The following TRAM1 variants were observed in gnomAD, a reference collection of about 807,000 sequenced individuals.
TRAM1 encodes the protein translocating chain-associated membrane protein 1.
Under a neutral mutation model 48.7 loss-of-function variants are expected in TRAM1, and 17 were observed. The observed-to-expected ratio is 0.35, with a 90% CI of 0.24 to 0.52. The LOEUF is 0.52. Among genes scored for constraint, TRAM1 ranks in the 20% least tolerant of loss-of-function variants. The pLI, the probability that TRAM1 is intolerant of heterozygous loss-of-function variation, is 0.94. For missense variants in TRAM1, 351 were observed against 441.5 expected, an observed-to-expected ratio of 0.79 and a Z score of 1.84; for synonymous variants, 182 against 154.0, an observed-to-expected ratio of 1.18 and a Z score of -1.34.
At chr8:70,598,073 C>T in intron 3 of TRAM1, 61 bp downstream of exon 3, 1 of 1,554,776 alleles carries the variant, frequency 6.4e-7, no homozygotes, top group Non-Finnish European at 8.7e-7. Context: ...TAATATATGA[C>T]TAGCAGATTA....
At chr8:70,581,121 C>T (rs2132025756) in intron 10 of TRAM1, among the ~76,000 whole-genome samples, 1 of 152,320 alleles carries the variant, frequency 6.6e-6, no homozygotes. Context: ...GGCAAGGCAG[C>T]ATATGCCTGT....
chr8:70,598,152 A>T lies in TRAM1; in HGVS notation c.291T>A (p.Ile97=). The T allele has an allele frequency of 6.2e-7, 1 of 1,613,048 alleles. No homozygotes were observed. Among genetic ancestry groups the T allele is most frequent in the East Asian group, 2.2e-5 (1 of 44,752 alleles). ...TACTTACATCCAACATATACTCTTG[A>T]ATTACGGCATGAATAATTATCGCCA... ...MLVAIIIHAV[I]QEYMLDKINR... is the part of the protein sequence containing the mutation. The change falls in exon 3 of 11, where the codon ATT becomes ATA. Residue 97 remains isoleucine (I), a synonymous_variant. Transcript: ENST00000262213.
intron 6 of TRAM1, 92 bp from the exon 7 acceptor site, chr8:70,587,268 G>A: frequency 1.5e-6 from 2 of 1,316,030 alleles, no homozygotes; most frequent in Non-Finnish European, 2.1e-6. Context: ...GCCCAGGTTG[G>A]TCTCAAAACC....
chr8:70,596,847 TA>T (rs1817497992), intron 4 of TRAM1, among the ~76,000 whole-genome samples: 1 of 147,218 alleles, frequency 6.8e-6, no homozygotes, highest in Non-Finnish European at 1.5e-5. Context: ...GATTAAAAAA[TA>T]AATAAAATCT....
chr8:70,574,411 C>T lies in TRAM1; in HGVS notation c.*521G>A, dbSNP rs115513409. 3.9e-4 allele frequency: 80 copies of T among 205,080 alleles called. No homozygotes were observed. The highest frequency in any genetic ancestry group is 1.6e-3 in the African/African-American group (66 of 41,908). 12.7% of individuals were successfully genotyped at this position (205,080 alleles called of 1,614,324 possible). A position where few individuals can be genotyped will look rare whatever the true frequency, so the allele number is the denominator to read the frequency against. Reference sequence around the variant, plus strand: ...TATAAAATAAAGCACACAATTGTTCCGGTGATTTTACAAATCTTTTTTTCC... The same window carrying T: ...TATAAAATAAAGCACACAATTGTTCTGGTGATTTTACAAATCTTTTTTTCC... On this transcript the variant is annotated 3_prime_UTR_variant, in exon 11 of 11. Transcript: ENST00000262213.
chr8:70,606,095 G>C (rs1240290281), intron 1 of TRAM1, among the ~76,000 whole-genome samples: 1 of 152,198 alleles, frequency 6.6e-6, no homozygotes, highest in African/African-American at 2.4e-5. Context: ...ACAAGTTACA[G>C]AAAATTGAAT....
Position 70,588,439 on chromosome 8 carries a change from A to C in TRAM1, c.571-1263T>G, listed in dbSNP as rs187108398. Among the ~76,000 whole-genome samples, 13 of 152,222 alleles carry C rather than the reference A, an allele frequency of 8.5e-5. No homozygotes were observed. The East Asian group carries it at 1.7e-3, about 20-fold the overall frequency. ...CATCTCTACAAAAAAATGTTTTAAAAATTAGCCAGGCATGGTGGCATGTGC... is the reference window on the plus strand; with the variant it reads ...CATCTCTACAAAAAAATGTTTTAAACATTAGCCAGGCATGGTGGCATGTGC... On this transcript the variant is annotated intron_variant, in intron 6 of 10. Coordinates refer to ENST00000262213, the MANE Select transcript of TRAM1 (RefSeq NM_014294.6).
intron 10 of TRAM1, among the ~76,000 whole-genome samples, chr8:70,579,759 C>T (rs947957714): frequency 2.0e-5 from 3 of 152,078 alleles, no homozygotes; most frequent in African/African-American, 7.2e-5. Flanking sequence ...TAATGAAATA[C>T]CGAAAGGTCT....
intron 10 of TRAM1, among the ~76,000 whole-genome samples, chr8:70,578,975 T>A (rs528181274): frequency 6.6e-6 from 1 of 152,316 alleles, no homozygotes; most frequent in African/African-American, 2.4e-5. Flanking sequence ...CTGTATAATA[T>A]TTTGAGAGAG....
rs201683956 is a variant in TRAM1 at position 70,587,172 on chromosome 8, T to C, written c.575A>G (p.Asp192Gly). 2.8e-5 allele frequency: 45 copies of C among 1,613,302 alleles called. No individual in the cohort carries two copies. The highest frequency in any genetic ancestry group is 3.2e-5 in the Non-Finnish European group (38 of 1,179,500). ...AATGTAGACAAGCTGACGAGGAATA[T>C]CTTCCTGTAAAAAAATACATTATAG... ...ELYFQKTKKEDIPRQLVYIGL... is the reference protein window; with the variant it reads ...ELYFQKTKKEGIPRQLVYIGL... The change falls in exon 7 of 11, where the codon GAT (aspartate) becomes GGT (glycine). Residue 192 changes from aspartate to glycine, a missense_variant. Asp to Gly is a moderately conservative substitution (Grantham distance 94, BLOSUM62 -1). Transcript: ENST00000262213.
chr8:70,578,587 C>T (rs187936656), intron 10 of TRAM1, among the ~76,000 whole-genome samples: 12 of 152,298 alleles, frequency 7.9e-5, no homozygotes, highest in East Asian at 1.9e-4. Context: ...GAGCCAAGAT[C>T]GTGCCACTGC....
rs1817791049 is a variant in TRAM1, at chr8:70,608,079, C to G, written c.121G>C (p.Glu41Gln). 1 of 1,597,188 alleles carries G rather than the reference C, an allele frequency of 6.3e-7. No homozygotes were observed. The highest frequency in any genetic ancestry group is 2.4e-5 in the East Asian group (1 of 42,538). Residue 41 changes from glutamate (E) to glutamine (Q), a missense_variant and splice_region_variant, in exon 1 of 11, where the codon GAG becomes CAG. Physicochemically the swap from Glu to Gln is conservative, Grantham distance 29 (BLOSUM62 2). Transcript: ENST00000262213. The part of the protein sequence containing the change: ...AMVFLLGLMF[E>Q]ITAKASIIFV... ...GTTGGGACTCGGGGCGGGCTCACCTCAAACATGAGCCCCAGCAGGAAGACC... is the reference window on the plus strand; with the variant it reads ...GTTGGGACTCGGGGCGGGCTCACCTGAAACATGAGCCCCAGCAGGAAGACC...
At chr8:70,598,070 T>A (rs1029821050) in intron 3 of TRAM1, 59 bp from the exon 4 acceptor site, 3 of 1,545,248 alleles carry the variant, frequency 1.9e-6, no homozygotes, top group Non-Finnish European at 1.8e-6. Flanking sequence ...ATTTAATATA[T>A]GACTAGCAGA....
chr8:70,606,313 C>T (rs268601), intron 1 of TRAM1, among the ~76,000 whole-genome samples: 99,438 of 151,988 alleles, frequency 0.65, 34,276 homozygotes, highest in Middle Eastern at 0.76. Context: ...CCACCTCAGC[C>T]GCCCAGCTGA....
chr8:70,579,215 A>T (rs1056865188), intron 10 of TRAM1, among the ~76,000 whole-genome samples: 1 of 152,246 alleles, frequency 6.6e-6, no homozygotes. Context: ...CCCAGGCTAT[A>T]TGGTATAGCC....
rs10100987 is a variant in TRAM1, at chr8:70,591,916, A to G, written c.570+2590T>C. The stretch of plus-strand genomic sequence containing the variant: ...GTCATGATGTGGAAAAAATGTCATC[A>G]GATTAAAAAAAAGTGGTTCTAGTGA... On this transcript the variant is annotated intron_variant, in intron 6 of 10. Transcript: ENST00000262213. Among the ~76,000 whole-genome samples, 1,071 of 152,312 alleles carry G rather than the reference A, an allele frequency of 7.0e-3. 14 individuals are homozygous for G. The highest frequency in any genetic ancestry group is 0.025 in the African/African-American group (1,025 of 41,570).
intron 6 of TRAM1, among the ~76,000 whole-genome samples, chr8:70,589,954 G>C (rs1172677449): frequency 6.6e-6 from 1 of 152,116 alleles, no homozygotes; most frequent in Non-Finnish European, 1.5e-5. Context: ...GGTAAAGCAG[G>C]AAGGTGGCAC....
chr8:70,596,180 A>C (rs1817481998), intron 5 of TRAM1, 83 bp downstream of exon 5: 1 of 1,179,846 alleles, frequency 8.5e-7, no homozygotes, highest in Non-Finnish European at 1.2e-6. Flanking sequence ...TAAGGTCCTA[A>C]AGAGAATAAC....
At chr8:70,588,412 C>T (rs1817274217) in intron 6 of TRAM1, among the ~76,000 whole-genome samples, 1 of 151,806 alleles carries the variant, frequency 6.6e-6, no homozygotes, top group Admixed American at 6.6e-5. Flanking sequence ...AGAGAGAGAC[C>T]CCATCTCTAC....
Sources: allele counts gnomAD v4.1 joint callset (sites outside exome capture counted in the v4.1 genomes callset), GRCh38; gene constraint gnomAD v4.1.1; transcripts MANE v1.5; gene names NCBI Gene and HGNC (gene_info 2026-07-23, HGNC 2026-07-21).